CMTM7: variants seen among roughly 807,000 people sequenced by gnomAD.
CMTM7 encodes the protein CKLF-like MARVEL transmembrane domain-containing protein 7.
A neutral mutation model predicts 19.3 loss-of-function variants in CMTM7; 7 were observed. The observed-to-expected ratio is 0.36, with a 90% CI of 0.21 to 0.68. The LOEUF (loss-of-function observed/expected upper bound fraction) is 0.68. Among genes scored for constraint, CMTM7 ranks in the 30% least tolerant of loss-of-function variants. The pLI is 0.60. For missense variants in CMTM7, 193 were observed against 232.6 expected (o/e 0.83, Z 1.11); for synonymous variants, 87 against 99.3 (o/e 0.88, Z 0.74).
At chr3:32,397,687 T>G (rs1015481363) in intron 1 of CMTM7, among the ~76,000 whole-genome samples, 1 of 151,348 alleles carries the variant, frequency 6.6e-6, no homozygotes, top group Non-Finnish European at 1.5e-5. Flanking sequence ...TGAGCCGAGA[T>G]CGCAGCATTG....
chr3:32,432,869 T>C (rs998493376), intron 1 of CMTM7, among the ~76,000 whole-genome samples: 1 of 152,150 alleles, frequency 6.6e-6, no homozygotes, highest in African/African-American at 2.4e-5. Flanking sequence ...CATCCCCACA[T>C]TGTGTCAGCT....
At chr3:32,445,727 GC>G (rs1486243615) in intron 2 of CMTM7, among the ~76,000 whole-genome samples, 1 of 151,878 alleles carries the variant, frequency 6.6e-6, no homozygotes, top group Non-Finnish European at 1.5e-5. Context: ...TGTTGCCCAG[GC>G]TGGTCTTGAA....
intron 1 of CMTM7, among the ~76,000 whole-genome samples, chr3:32,403,870 C>A (rs1029373829): frequency 6.6e-6 from 1 of 152,160 alleles, no homozygotes; most frequent in African/African-American, 2.4e-5. Flanking sequence ...TGAGACATAA[C>A]AGCAGGTGCT....
intron 2 of CMTM7, among the ~76,000 whole-genome samples, chr3:32,443,955 G>A (rs1696717240): frequency 6.6e-6 from 1 of 152,076 alleles, no homozygotes; most frequent in Non-Finnish European, 1.5e-5. Flanking sequence ...TCTATAGTCT[G>A]GATAAAAGTC....
intron 1 of CMTM7, among the ~76,000 whole-genome samples, chr3:32,419,445 C>T (rs752272139): frequency 6.6e-6 from 1 of 152,122 alleles, no homozygotes; most frequent in Non-Finnish European, 1.5e-5. Flanking sequence ...TTCCTTGTTC[C>T]CTGTGTTGGG....
chr3:32,409,899 C>G (rs530376909), intron 1 of CMTM7, among the ~76,000 whole-genome samples: 43 of 152,322 alleles, frequency 2.8e-4, no homozygotes, highest in African/African-American at 1.0e-3. Flanking sequence ...TTTAAAAAGC[C>G]TTAGCTCAGA....
At chr3:32,434,923 G>A (rs1696574192) in intron 1 of CMTM7, among the ~76,000 whole-genome samples, 1 of 152,086 alleles carries the variant, frequency 6.6e-6, no homozygotes, top group African/African-American at 2.4e-5. Flanking sequence ...AGTAATTAAG[G>A]AAATGAAAAT....
intron 1 of CMTM7, among the ~76,000 whole-genome samples, chr3:32,433,391 G>T (rs1575120962): frequency 6.6e-6 from 1 of 152,182 alleles, no homozygotes; most frequent in Non-Finnish European, 1.5e-5. Flanking sequence ...AAAGAACATG[G>T]CCTGGCTTGA....
At chr3:32,433,197 A>G (rs1466500805) in intron 1 of CMTM7, among the ~76,000 whole-genome samples, 4 of 152,220 alleles carry the variant, frequency 2.6e-5, no homozygotes, top group Non-Finnish European at 5.9e-5. Flanking sequence ...AATAAGTGTC[A>G]ATTTTGCTTC....
At chr3:32,443,715 C>G (rs1291448613) in intron 2 of CMTM7, among the ~76,000 whole-genome samples, 1 of 152,154 alleles carries the variant, frequency 6.6e-6, no homozygotes, top group African/African-American at 2.4e-5. Context: ...TTCACAACAT[C>G]TTTGCCAACA....
At chr3:32,401,290 TC>T (rs1695998245) in intron 1 of CMTM7, among the ~76,000 whole-genome samples, 1 of 152,294 alleles carries the variant, frequency 6.6e-6, no homozygotes, top group Admixed American at 6.5e-5. Context: ...CGGCAAGAAT[TC>T]CCATCCAGGA....
intron 1 of CMTM7, among the ~76,000 whole-genome samples, chr3:32,404,461 T>C (rs1342144275): frequency 6.6e-6 from 1 of 152,202 alleles, no homozygotes; most frequent in African/African-American, 2.4e-5. Flanking sequence ...GCGCCCAGCC[T>C]GTTTAACTCT....
intron 1 of CMTM7, among the ~76,000 whole-genome samples, chr3:32,409,350 A>G (rs1696139575): frequency 6.6e-6 from 1 of 152,128 alleles, no homozygotes; most frequent in Admixed American, 6.5e-5. Flanking sequence ...GAACCATTTG[A>G]GAGTGAGTTG....
chr3:32,424,897 C>T (rs1242897401), intron 1 of CMTM7, among the ~76,000 whole-genome samples: 4 of 152,316 alleles, frequency 2.6e-5, no homozygotes, highest in Non-Finnish European at 5.9e-5. Flanking sequence ...CTGTCCACCT[C>T]GGCCTCCCAA....
intron 1 of CMTM7, among the ~76,000 whole-genome samples, chr3:32,426,030 A>G (rs1208267684): frequency 1.3e-5 from 2 of 152,226 alleles, no homozygotes; most frequent in African/African-American, 4.8e-5. Context: ...CTATAATCCC[A>G]GCTACTTGGG....
intron 2 of CMTM7, among the ~76,000 whole-genome samples, chr3:32,442,498 CAAAAAAAAAAAAAAAAAAAAAAA>C (rs59568281): frequency 1.2e-5 from 1 of 80,048 alleles, no homozygotes; most frequent in African/African-American, 4.9e-5. Flanking sequence ...AGACTCCTCT[CAAAAAAAAAAAAAAAAAAAAAAA>C]AAAAAAGAAG....
At chr3:32,416,211 T>TTCTGG (rs149987346) in intron 1 of CMTM7, among the ~76,000 whole-genome samples, 2 of 151,380 alleles carry the variant, frequency 1.3e-5, no homozygotes, top group Non-Finnish European at 2.9e-5. Flanking sequence ...TTTTGTTTTG[T>TTCTGG]TTTTGAGACA....
chr3:32,453,438 C>T (rs1182679905), intron 4 of CMTM7, among the ~76,000 whole-genome samples: 1 of 152,174 alleles, frequency 6.6e-6, no homozygotes, highest in Non-Finnish European at 1.5e-5. Context: ...TTTTCTCCTA[C>T]TTAGCCACTG....
At chr3:32,413,844 T>C (rs1696216446) in intron 1 of CMTM7, among the ~76,000 whole-genome samples, 1 of 152,172 alleles carries the variant, frequency 6.6e-6, no homozygotes, top group Non-Finnish European at 1.5e-5. Flanking sequence ...ATATCCCCTT[T>C]ATTGCTGAGG....
Sources: gnomAD v4.1 joint callset for allele counts (sites outside exome capture counted in the v4.1 genomes callset) on GRCh38, gnomAD v4.1.1 for gene constraint, MANE v1.5 for transcripts, NCBI Gene and HGNC (gene_info 2026-07-23, HGNC 2026-07-21) for gene names.